NR2F1-AS1: variants seen among roughly 807,000 people sequenced by gnomAD.
NR2F1-AS1 encodes NR2F1 regulatory antisense RNA 1.
chr5:93,425,464 AAG>A (rs1749176881), intron 4 of NR2F1-AS1, among the ~76,000 whole-genome samples: 1 of 152,190 alleles, frequency 6.6e-6, no homozygotes, highest in East Asian at 1.9e-4. Context: ...TCAGTAGAGA[AAG>A]AGAGACTCCA....
At chr5:93,472,699 T>C (rs1750393787) in intron 4 of NR2F1-AS1, among the ~76,000 whole-genome samples, 1 of 151,850 alleles carries the variant, frequency 6.6e-6, no homozygotes. Flanking sequence ...GTGGTACATT[T>C]AGTACCTAAG....
intron 4 of NR2F1-AS1, among the ~76,000 whole-genome samples, chr5:93,418,631 C>G (rs1395454749): frequency 6.7e-6 from 1 of 149,298 alleles, no homozygotes; most frequent in East Asian, 1.9e-4. Flanking sequence ...AAAAACCTCC[C>G]TACTATATGA....
chr5:93,571,036 G>A (rs1351445563), intron 1 of NR2F1-AS1: 1 of 152,288 alleles, frequency 6.6e-6, no homozygotes, highest in African/African-American at 2.4e-5. Context: ...TTAGGGTCCT[G>A]GACTGCAGTG....
At chr5:93,475,852 T>C (rs545422711) in intron 4 of NR2F1-AS1, among the ~76,000 whole-genome samples, 4 of 152,336 alleles carry the variant, frequency 2.6e-5, no homozygotes, top group African/African-American at 7.2e-5. Context: ...GTAACTAAAA[T>C]GCTATAATTC....
intron 4 of NR2F1-AS1, among the ~76,000 whole-genome samples, chr5:93,552,225 T>C (rs1752246843): frequency 6.6e-6 from 1 of 152,148 alleles, no homozygotes; most frequent in Non-Finnish European, 1.5e-5. Context: ...GATCTATATC[T>C]TGGAAATGTC....
intron 4 of NR2F1-AS1, among the ~76,000 whole-genome samples, chr5:93,506,985 A>G (rs958397528): frequency 1.3e-5 from 2 of 152,212 alleles, no homozygotes; most frequent in Non-Finnish European, 2.9e-5. Flanking sequence ...CTACATACAC[A>G]TATCTACTTA....
At chr5:93,568,828 C>A (rs1370628032) in intron 1 of NR2F1-AS1, among the ~76,000 whole-genome samples, 2 of 152,086 alleles carry the variant, frequency 1.3e-5, no homozygotes, top group Non-Finnish European at 1.5e-5. Context: ...CCAGTGAAAT[C>A]TTACACAGAA....
chr5:93,565,529 A>T (rs926863156), intron 1 of NR2F1-AS1, among the ~76,000 whole-genome samples: 3 of 152,132 alleles, frequency 2.0e-5, no homozygotes. Context: ...AGAAGCCATA[A>T]AGAAATATAT....
intron 4 of NR2F1-AS1, among the ~76,000 whole-genome samples, chr5:93,523,801 AG>A (rs1185552468): frequency 6.6e-6 from 1 of 152,200 alleles, no homozygotes; most frequent in African/African-American, 2.4e-5. Context: ...AGAAAGGAAT[AG>A]CATGAACATC....
At chr5:93,529,105 G>A (rs950844553) in intron 4 of NR2F1-AS1, among the ~76,000 whole-genome samples, 3 of 152,166 alleles carry the variant, frequency 2.0e-5, no homozygotes, top group African/African-American at 7.2e-5. Flanking sequence ...TATAGAATGT[G>A]TAGACTTCTT....
chr5:93,556,983 T>C (rs1326601248), intron 2 of NR2F1-AS1, among the ~76,000 whole-genome samples: 2 of 152,202 alleles, frequency 1.3e-5, no homozygotes, highest in Middle Eastern at 3.2e-3. Context: ...ATCAAAAAAA[T>C]ATCTTGCTAT....
chr5:93,576,305 C>T (rs1752893101), intron 1 of NR2F1-AS1, among the ~76,000 whole-genome samples: 1 of 152,182 alleles, frequency 6.6e-6, no homozygotes, highest in Admixed American at 6.5e-5. Context: ...TTATTAACTC[C>T]CCCCAAAGAT....
intron 4 of NR2F1-AS1, among the ~76,000 whole-genome samples, chr5:93,449,077 G>T (rs921387292): frequency 4.6e-5 from 7 of 151,962 alleles, no homozygotes; most frequent in African/African-American, 1.7e-4. Context: ...TTAGGATTTT[G>T]AAAAACTGTT....
chr5:93,477,383 A>G (rs1750507437), intron 4 of NR2F1-AS1, among the ~76,000 whole-genome samples: 1 of 152,196 alleles, frequency 6.6e-6, no homozygotes, highest in African/African-American at 2.4e-5. Context: ...CATTTTAATT[A>G]CAATAAAAGG....
At chr5:93,505,753 G>A (rs1029905687) in intron 4 of NR2F1-AS1, among the ~76,000 whole-genome samples, 29 of 152,292 alleles carry the variant, frequency 1.9e-4, no homozygotes, top group African/African-American at 6.3e-4. Context: ...ACACAGCATG[G>A]GGACCCTGGG....
chr5:93,526,170 C>T (rs1045338530), intron 4 of NR2F1-AS1, among the ~76,000 whole-genome samples: 3 of 151,962 alleles, frequency 2.0e-5, no homozygotes, highest in South Asian at 2.1e-4. Context: ...ATGATAAAGG[C>T]AATATCACCA....
intron 4 of NR2F1-AS1, among the ~76,000 whole-genome samples, chr5:93,414,545 G>A (rs1355115989): frequency 1.3e-5 from 2 of 152,192 alleles, no homozygotes; most frequent in South Asian, 2.1e-4. Flanking sequence ...TCCGATCTGT[G>A]TAGGTATTAA....
At position 93,579,910 on chromosome 5, in the gene NR2F1-AS1, C is replaced by A. The variant is rs1181148228; in HGVS notation, n.313+557G>T. Among the ~76,000 whole-genome samples, 1 of 152,232 alleles carries A rather than the reference C, an allele frequency of 6.6e-6. No individual in the cohort carries two copies. The highest frequency in any genetic ancestry group is 1.9e-4 in the East Asian group (1 of 5,180). ...TTTAATCCGCTGACACTATCGCCCA[C>A]ATCAGACAGGCAGCCATCGATCGCG... On this transcript the variant is annotated intron_variant and non_coding_transcript_variant, in intron 1 of 5. Transcript: ENST00000660523. This position sits in a 1 kb window ranked among gnomAD's most constrained non-coding sequence, Gnocchi z 5.1.
At chr5:93,561,224 G>A (rs1469318657) in intron 2 of NR2F1-AS1, among the ~76,000 whole-genome samples, 1 of 145,216 alleles carries the variant, frequency 6.9e-6, no homozygotes, top group Non-Finnish European at 1.5e-5. Flanking sequence ...GGTAAGCCGA[G>A]ATCGCACAGG....
Sources: allele counts gnomAD v4.1 joint callset (sites outside exome capture counted in the v4.1 genomes callset), GRCh38; gene constraint gnomAD v4.1.1; non-coding constraint Gnocchi (gnomAD v3.1); transcripts MANE v1.5; gene names NCBI Gene and HGNC (gene_info 2026-07-23, HGNC 2026-07-21).